Variants in HMGB1 observed in about 807,000 individuals in gnomAD.
HMGB1 encodes high mobility group box 1.
For missense variants in HMGB1, 79 were observed against 253.5 expected, an observed-to-expected ratio of 0.31 and a Z score of 4.67; for synonymous variants, 81 against 84.0, an observed-to-expected ratio of 0.96 and a Z score of 0.19.
chr13:30,495,599 C>A, intron 1 of HMGB1, among the ~76,000 whole-genome samples: 1 of 152,060 alleles, frequency 6.6e-6, no homozygotes, highest in Non-Finnish European at 1.5e-5. Context: ...CCGCCTCAGC[C>A]TCCCGAATAG....
intron 1 of HMGB1, among the ~76,000 whole-genome samples, chr13:30,483,436 T>C (rs1028130852): frequency 6.6e-6 from 1 of 152,066 alleles, no homozygotes; most frequent in African/African-American, 2.4e-5. Flanking sequence ...CTGATCCCTG[T>C]CACTTCCCTT....
At chr13:30,473,708 G>A (rs779203091) in intron 1 of HMGB1, among the ~76,000 whole-genome samples, 5 of 152,120 alleles carry the variant, frequency 3.3e-5, no homozygotes, top group Non-Finnish European at 7.4e-5. Flanking sequence ...TCCTCAAAAG[G>A]TTAAACACAG....
intron 1 of HMGB1, among the ~76,000 whole-genome samples, chr13:30,530,434 A>G (rs541823724): frequency 6.6e-6 from 1 of 152,302 alleles, no homozygotes; most frequent in South Asian, 2.1e-4. Context: ...GGGAAAAGGA[A>G]CTCATACATG....
At chr13:30,584,115 TAATA>T (rs1241507617) in intron 1 of HMGB1, among the ~76,000 whole-genome samples, 2 of 151,802 alleles carry the variant, frequency 1.3e-5, no homozygotes, top group South Asian at 2.1e-4. Flanking sequence ...TAAAATAAAA[TAATA>T]AATAAATAAA....
At position 30,559,354 on chromosome 13, in the gene HMGB1, G is replaced by T. The variant is rs989188436; in HGVS notation, c.-15+57317C>A. 3.3e-5 allele frequency among the ~76,000 whole-genome samples: 5 copies of T among 152,104 alleles called. No individual in the cohort carries two copies. Among genetic ancestry groups the T allele is most frequent in the African/African-American group, 9.7e-5 (4 of 41,406 alleles). On this transcript the variant is annotated intron_variant, in intron 1 of 4. Coordinates refer to the HMGB1 transcript ENST00000405805. The surrounding 1 kb of genome is among the most constrained non-coding windows in gnomAD (Gnocchi z 6.6). ...ACAAGACCATGGCTTATTTTACAGGGTGAACTCCCAATCCCGGTAAGATGG... is the reference window on the plus strand; with the variant it reads ...ACAAGACCATGGCTTATTTTACAGGTTGAACTCCCAATCCCGGTAAGATGG...
chr13:30,560,720 G>A (rs1353863087), intron 1 of HMGB1, among the ~76,000 whole-genome samples: 1 of 152,124 alleles, frequency 6.6e-6, no homozygotes, highest in Non-Finnish European at 1.5e-5. Context: ...AGAAAGGATA[G>A]GTTCCCATGG....
chr13:30,605,611 A>G (rs1371488366), intron 1 of HMGB1, among the ~76,000 whole-genome samples: 1 of 152,232 alleles, frequency 6.6e-6, no homozygotes, highest in Non-Finnish European at 1.5e-5. Flanking sequence ...GAAGACAGGA[A>G]TAAAAGTCTC....
intron 1 of HMGB1, among the ~76,000 whole-genome samples, chr13:30,600,372 T>C (rs1048031963): frequency 5.3e-5 from 8 of 152,240 alleles, no homozygotes; most frequent in African/African-American, 1.9e-4. Context: ...ATAATAATTC[T>C]GGTGTAGGTC....
chr13:30,501,297 A>G (rs529686883), intron 1 of HMGB1, among the ~76,000 whole-genome samples: 3 of 152,330 alleles, frequency 2.0e-5, no homozygotes, highest in Middle Eastern at 3.4e-3. Flanking sequence ...AATGATTTAG[A>G]ACAAGAGTTA....
At position 30,459,567 on chromosome 13, in the gene HMGB1, CGCTT is replaced by C. The variant is rs1299281980; in HGVS notation, c.*1786_*1789del. ...GCAGCCTATCACTAACCCTGCTGTT[CGCTT>C]GCATGTATCTTGTTTTTAAAAATCT... On this transcript the variant is annotated 3_prime_UTR_variant, in exon 5 of 5. Coordinates refer to ENST00000341423, the MANE Select transcript of HMGB1 (RefSeq NM_002128.7). 6.6e-6 allele frequency: 1 copy of C among 152,098 alleles called. No individual in the cohort carries two copies. Among genetic ancestry groups the C allele is most frequent in the Non-Finnish European group, 1.5e-5 (1 of 68,020 alleles). The allele number at this position is 152,098 out of a possible 1,614,324, so 9.4% of individuals were successfully genotyped here. A position where few individuals can be genotyped will look rare whatever the true frequency, so the allele number is the denominator to read the frequency against.
intron 1 of HMGB1, among the ~76,000 whole-genome samples, chr13:30,577,748 C>T (rs1331499192): frequency 1.3e-5 from 2 of 152,282 alleles, no homozygotes; most frequent in Middle Eastern, 3.4e-3. Flanking sequence ...TTCAACAAGG[C>T]GATACATGCA....
Position 30,529,155 on chromosome 13 carries a change from T to C in HMGB1, c.-14-65461A>G, listed in dbSNP as rs60480244. Among the ~76,000 whole-genome samples the C allele has an allele frequency of 2.5e-3, 366 of 149,064 alleles. 2 individuals are homozygous for C. The highest frequency in any genetic ancestry group is 8.5e-3 in the African/African-American group (346 of 40,852). ...AATGAAGAAAGCAGTAAAGACATCCTAAATGATGGAAAAGGCAATGGTGTC... is the reference window on the plus strand; with the variant it reads ...AATGAAGAAAGCAGTAAAGACATCCCAAATGATGGAAAAGGCAATGGTGTC... On this transcript the variant is annotated intron_variant, in intron 1 of 4. Transcript: ENST00000405805.
chr13:30,473,214 G>A (rs1886987710), intron 1 of HMGB1, among the ~76,000 whole-genome samples: 1 of 152,170 alleles, frequency 6.6e-6, no homozygotes, highest in Non-Finnish European at 1.5e-5. Context: ...TTTCCGGGGG[G>A]AAATCAGCAG....
intron 1 of HMGB1, among the ~76,000 whole-genome samples, chr13:30,527,541 G>C (rs1160669245): frequency 2.0e-5 from 3 of 151,926 alleles, no homozygotes; most frequent in African/African-American, 7.3e-5. Context: ...TGAGAAAGTG[G>C]GCTGTCACTT....
chr13:30,556,862 T>C (rs1220496526), intron 1 of HMGB1, among the ~76,000 whole-genome samples: 1 of 152,174 alleles, frequency 6.6e-6, no homozygotes, highest in Non-Finnish European at 1.5e-5. Context: ...TTAATAATAA[T>C]ACAATATATA....
chr13:30,468,366 T>C (rs1247765028), upstream of HMGB1, among the ~76,000 whole-genome samples: 2 of 152,192 alleles, frequency 1.3e-5, no homozygotes, highest in African/African-American at 2.4e-5. Context: ...TCGATTCTTC[T>C]GCCTCAGCCT....
At chr13:30,554,328 C>T in intron 1 of HMGB1, 1 of 958,588 alleles carries the variant, frequency 1.0e-6, no homozygotes. Context: ...AGCGAAGGCA[C>T]TGGGTGCACG....
At chr13:30,553,523 T>C (rs1352190399) in intron 1 of HMGB1, 5 of 434,074 alleles carry the variant, frequency 1.2e-5, no homozygotes, top group Non-Finnish European at 1.7e-5. Flanking sequence ...GTATGGTAAT[T>C]AGAAATTTAC....
At chr13:30,504,223 CCCA>C (rs1887801166) in intron 1 of HMGB1, among the ~76,000 whole-genome samples, 1 of 152,056 alleles carries the variant, frequency 6.6e-6, no homozygotes, top group African/African-American at 2.4e-5. Flanking sequence ...TGTGAATTAC[CCCA>C]CCCCAGCCTG....
Sources: gnomAD v4.1 joint callset for allele counts (sites outside exome capture counted in the v4.1 genomes callset) on GRCh38, gnomAD v4.1.1 for gene constraint, Gnocchi (gnomAD v3.1) non-coding constraint, MANE v1.5 for transcripts, NCBI Gene and HGNC (gene_info 2026-07-23, HGNC 2026-07-21) for gene names.